Variants in DNAH5 observed in about 807,000 individuals in gnomAD.
DNAH5 encodes the protein dynein axonemal heavy chain 5.
Under a neutral mutation model 518.2 loss-of-function variants are expected in DNAH5, and 372 were observed. That is an observed-to-expected ratio of 0.72 (90% CI 0.66 to 0.78). The LOEUF is 0.78. Among genes scored for constraint, DNAH5 ranks in the 30% least tolerant of loss-of-function variants. DNAH5 has a pLI of 0.00. For missense variants in DNAH5, 5,523 were observed against 5,687.0 expected, an observed-to-expected ratio of 0.97 and a Z score of 0.93; for synonymous variants, 2,039 against 2,025.9, an observed-to-expected ratio of 1.01 and a Z score of -0.17.
At chr5:13,924,521 C>G (rs1209694325) in intron 3 of DNAH5, among the ~76,000 whole-genome samples, 1 of 151,386 alleles carries the variant, frequency 6.6e-6, no homozygotes. Context: ...ACCAAAAATA[C>G]AAAATTAGCC....
At chr5:13,848,286 G>A (rs1264341866) in intron 31 of DNAH5, among the ~76,000 whole-genome samples, 1 of 152,178 alleles carries the variant, frequency 6.6e-6, no homozygotes, top group African/African-American at 2.4e-5. Context: ...AACAAAGGGT[G>A]CTTTACTGAC....
intron 35 of DNAH5, among the ~76,000 whole-genome samples, chr5:13,833,582 A>G (rs1763979214): frequency 6.6e-6 from 1 of 152,162 alleles, no homozygotes; most frequent in African/African-American, 2.4e-5. Context: ...ATGATTCCCA[A>G]ACAAGGGAAT....
rs1348044142 is a variant in DNAH5 at position 13,766,119 on chromosome 5, T to C, written c.9958A>G (p.Met3320Val). 1 of 1,614,184 alleles carries C rather than the reference T, an allele frequency of 6.2e-7. No homozygotes were observed. The highest frequency in any genetic ancestry group is 8.5e-7 in the Non-Finnish European group (1 of 1,180,002). ...AGCAGTACGCAATCCATGATCCGCATGATGAGGTGAGGGGGGCGGCCCAAC... is the reference window on the plus strand; with the variant it reads ...AGCAGTACGCAATCCATGATCCGCACGATGAGGTGAGGGGGGCGGCCCAAC... ...RTLGRPPHLIMRIMDCVLLLF... is the reference protein window; with the variant it reads ...RTLGRPPHLIVRIMDCVLLLF... The change falls in exon 59 of 79, where the codon ATG becomes GTG. Residue 3320 changes from methionine (M) to valine (V), a missense_variant. Physicochemically the swap from Met to Val is conservative, Grantham distance 21. Around this residue, in one of 3 missense-constraint regions of DNAH5, gnomAD observed 5,121 missense variants for 5,223.3 expected, o/e 0.98. Transcript: ENST00000265104.
intron 21 of DNAH5, 33 bp from the exon 22 acceptor site, chr5:13,876,850 C>T (rs1770964970): frequency 6.2e-7 from 1 of 1,604,922 alleles, no homozygotes; most frequent in Non-Finnish European, 8.5e-7. Flanking sequence ...AAACTTTACA[C>T]TACTCACACA....
intron 37 of DNAH5, 144 bp downstream of exon 37, chr5:13,829,882 G>A (rs1763408935): frequency 9.2e-7 from 1 of 1,088,702 alleles, no homozygotes; most frequent in Non-Finnish European, 1.4e-6. Context: ...TATGATCTTT[G>A]CTTAACACCA....
intron 51 of DNAH5, 47 bp downstream of exon 51, chr5:13,788,669 T>C (rs1325896884): frequency 6.6e-7 from 1 of 1,512,822 alleles, no homozygotes; most frequent in Admixed American, 1.7e-5. Context: ...GATTTCCCTT[T>C]AGGGAACACC....
intron 21 of DNAH5, among the ~76,000 whole-genome samples, chr5:13,881,028 A>C (rs12514294): frequency 0.65 from 98,811 of 151,720 alleles, 32,197 homozygotes; most frequent in East Asian, 0.77. Flanking sequence ...AAATAGACTT[A>C]ACATCAAAAA....
chr5:13,811,585 C>T (rs1304729967), intron 44 of DNAH5, 62 bp downstream of exon 44: 10 of 1,472,050 alleles, frequency 6.8e-6, no homozygotes, highest in South Asian at 4.6e-5. Context: ...AAATATAGTA[C>T]TCTCTGTGCA....
At position 13,727,610 on chromosome 5, in the gene DNAH5, T is replaced by C; in HGVS notation, c.11930A>G (p.Asn3977Ser). ...KMWKIWFDKENPEEEPLPNAY... is the reference protein window; with the variant it reads ...KMWKIWFDKESPEEEPLPNAY... Reference sequence around the variant, plus strand: ...ATTTGGAAGAGGTTCCTCCTCCGGGTTTTCCTTATCAAACCAAATTTTCCA... The same window carrying C: ...ATTTGGAAGAGGTTCCTCCTCCGGGCTTTCCTTATCAAACCAAATTTTCCA... Residue 3977 changes from asparagine to serine, a missense_variant, in exon 70 of 79, where the codon AAC (asparagine) becomes AGC (serine). Physicochemically the swap from Asn to Ser is conservative, Grantham distance 46. Transcript: ENST00000265104. The C allele has an allele frequency of 6.2e-7, 1 of 1,613,820 alleles. No homozygotes were observed. The highest frequency in any genetic ancestry group is 1.1e-5 in the South Asian group (1 of 91,082).
chr5:13,919,068 C>T (rs1776962625), intron 7 of DNAH5, 108 bp downstream of exon 7: 2 of 1,353,740 alleles, frequency 1.5e-6, no homozygotes, highest in Non-Finnish European at 1.0e-6. Context: ...AAATGTTTTT[C>T]ATCAAGGTAT....
intron 16 of DNAH5, among the ~76,000 whole-genome samples, 171 bp downstream of exon 16, chr5:13,894,479 T>G (rs1773658997): frequency 6.6e-6 from 1 of 152,238 alleles, no homozygotes; most frequent in Non-Finnish European, 1.5e-5. Flanking sequence ...ATTTATAGTT[T>G]CCAGGAAATT....
chr5:13,850,009 G>A (rs1360865332), intron 31 of DNAH5, among the ~76,000 whole-genome samples: 1 of 152,098 alleles, frequency 6.6e-6, no homozygotes, highest in Non-Finnish European at 1.5e-5. Context: ...ATGTATTCAT[G>A]GGGAAAGATC....
At chr5:13,952,606 A>G (rs1780502698) in intron 1 of DNAH5, among the ~76,000 whole-genome samples, 1 of 152,178 alleles carries the variant, frequency 6.6e-6, no homozygotes, top group Admixed American at 6.5e-5. Context: ...GGGTTTTCCA[A>G]CTGCTCATTA....
chr5:13,866,039 T>G, intron 26 of DNAH5, 133 bp from the exon 27 acceptor site: 1 of 878,722 alleles, frequency 1.1e-6, no homozygotes, highest in Non-Finnish European at 1.8e-6. Context: ...GAATACTAAG[T>G]TGGCATAATT....
At chr5:13,751,792 T>C (rs1294445553) in intron 64 of DNAH5, among the ~76,000 whole-genome samples, 3 of 152,028 alleles carry the variant, frequency 2.0e-5, no homozygotes, top group African/African-American at 7.3e-5. Context: ...GGGGATTGCA[T>C]GGTTTGAATT....
At chr5:13,735,985 T>C (rs1747349776) in intron 66 of DNAH5, 53 bp from the exon 67 acceptor site, 2 of 1,424,316 alleles carry the variant, frequency 1.4e-6, no homozygotes, top group Admixed American at 1.7e-5. Context: ...AAATAAATGA[T>C]CCATGCAAAG....
chr5:13,736,950 C>G (rs1747563500), intron 66 of DNAH5, among the ~76,000 whole-genome samples: 1 of 152,166 alleles, frequency 6.6e-6, no homozygotes, highest in African/African-American at 2.4e-5. Context: ...TCAGATTTCC[C>G]TAATTTGTAG....
At position 13,817,643 on chromosome 5, in the gene DNAH5, G is replaced by A; in HGVS notation, c.6893C>T (p.Ala2298Val). 1 of 1,614,150 alleles carries A rather than the reference G, an allele frequency of 6.2e-7. No individual in the cohort carries two copies. Among genetic ancestry groups the A allele is most frequent in the Non-Finnish European group, 8.5e-7 (1 of 1,180,012 alleles). ...EMRMNPKAIT[A>V]PQMFGRLDVA... ...GTCCAGCCGACCAAACATCTGTGGGGCAGTAATCGCTTTGGGATTCATCCT... is the reference window on the plus strand; with the variant it reads ...GTCCAGCCGACCAAACATCTGTGGGACAGTAATCGCTTTGGGATTCATCCT... Residue 2298 changes from alanine (A) to valine (V), a missense_variant, in exon 42 of 79, where the codon GCC becomes GTC. Ala to Val is a moderately conservative substitution (Grantham distance 64). This residue lies in a region of DNAH5 where 5,121 missense variants were observed against 5,223.3 expected (regional missense o/e 0.98). Coordinates refer to ENST00000265104, the MANE Select transcript of DNAH5 (RefSeq NM_001369.3).
chr5:13,920,689 C>A, intron 5 of DNAH5, 72 bp from the exon 6 acceptor site: 1 of 1,564,524 alleles, frequency 6.4e-7, no homozygotes, highest in South Asian at 1.1e-5. Context: ...CCTGTGTTTT[C>A]CACTTTGCTG....
Sources: allele counts gnomAD v4.1 joint callset (sites outside exome capture counted in the v4.1 genomes callset), GRCh38; gene constraint gnomAD v4.1.1; regional missense constraint gnomAD v4.1.1; transcripts MANE v1.5; gene names NCBI Gene and HGNC (gene_info 2026-07-23, HGNC 2026-07-21).